The following FRMD4B variants were observed in gnomAD, a reference collection of about 807,000 sequenced individuals.
The protein encoded by FRMD4B is FERM domain containing 4B.
Under a neutral mutation model 141.5 loss-of-function variants are expected in FRMD4B, and 74 were observed. The ratio of observed to expected loss-of-function variants is 0.52; its 90% CI spans 0.43 to 0.63. The LOEUF (loss-of-function observed/expected upper bound fraction) is 0.63, where lower values mean the gene tolerates loss of function less well. FRMD4B is among the 30% of genes least tolerant of loss of function. FRMD4B has a pLI of 0.00. For missense variants in FRMD4B, 1,366 were observed against 1,253.4 expected (o/e 1.09, Z -1.36); for synonymous variants, 506 against 467.9 (o/e 1.08, Z -1.05).
At position 69,169,227 on chromosome 3, in the gene FRMD4B, T is replaced by C. The variant is rs1408171069; in HGVS notation, c.*2634A>G. Among the ~76,000 whole-genome samples, 1 of 152,190 alleles carries C rather than the reference T, an allele frequency of 6.6e-6. No homozygotes were observed. Among genetic ancestry groups the C allele is most frequent in the Non-Finnish European group, 1.5e-5 (1 of 68,040 alleles). On this transcript the variant is annotated 3_prime_UTR_variant, in exon 23 of 23. Transcript: ENST00000398540. ...GAAACGTACATGTTGAATAATGTAC[T>C]TTTGTCACTTTTGGCTTTTAATAAA...
intron 7 of FRMD4B, among the ~76,000 whole-genome samples, chr3:69,240,795 C>G (rs2093376868): frequency 6.6e-6 from 1 of 152,180 alleles, no homozygotes; most frequent in Admixed American, 6.6e-5. Context: ...CAGAAACAAA[C>G]CAAAAGGCCT....
intron 1 of FRMD4B, among the ~76,000 whole-genome samples, chr3:69,491,914 AG>A (rs372867348): frequency 6.6e-6 from 1 of 152,350 alleles, no homozygotes; most frequent in African/African-American, 2.4e-5. Flanking sequence ...ACCATCATTC[AG>A]GAAGTGTTGT....
chr3:69,417,684 G>A (rs376718178), intron 2 of FRMD4B, among the ~76,000 whole-genome samples: 3 of 152,084 alleles, frequency 2.0e-5, no homozygotes, highest in East Asian at 1.9e-4. Flanking sequence ...AGACACTATC[G>A]CCATTATATT....
chr3:69,530,412 C>A (rs1700994231), intron 1 of FRMD4B, among the ~76,000 whole-genome samples: 1 of 152,138 alleles, frequency 6.6e-6, no homozygotes, highest in South Asian at 2.1e-4. Context: ...ACCCTCACCT[C>A]TTCCCTCCTC....
intron 7 of FRMD4B, among the ~76,000 whole-genome samples, chr3:69,228,202 T>C (rs143703152): frequency 1.8e-3 from 281 of 152,280 alleles, no homozygotes; most frequent in African/African-American, 6.4e-3. Flanking sequence ...AAAATGTCAA[T>C]AGTGCTGAGA....
intron 1 of FRMD4B, among the ~76,000 whole-genome samples, chr3:69,361,697 G>A (rs555334236): frequency 1.2e-4 from 18 of 152,188 alleles, no homozygotes; most frequent in African/African-American, 3.9e-4. Context: ...TTTTCTGATC[G>A]CTGAGTAGTA....
intron 1 of FRMD4B, among the ~76,000 whole-genome samples, chr3:69,532,476 T>C (rs1701020620): frequency 6.6e-6 from 1 of 152,166 alleles, no homozygotes; most frequent in Admixed American, 6.5e-5. Context: ...CATAAATGTT[T>C]AAAGGTGGAA....
intron 7 of FRMD4B, among the ~76,000 whole-genome samples, chr3:69,240,395 T>G (rs767004886): frequency 2.7e-5 from 4 of 145,806 alleles, no homozygotes; most frequent in Non-Finnish European, 6.0e-5. Context: ...GCAGGAGAAT[T>G]GCTTGAACCC....
At chr3:69,393,285 C>T (rs1704417145) in intron 2 of FRMD4B, among the ~76,000 whole-genome samples, 1 of 120,778 alleles carries the variant, frequency 8.3e-6, no homozygotes, top group Admixed American at 1.0e-4. Flanking sequence ...TCTCCTTGCT[C>T]AAAGAAAAGA....
chr3:69,332,644 A>G (rs1002872112), intron 1 of FRMD4B, among the ~76,000 whole-genome samples: 3 of 151,624 alleles, frequency 2.0e-5, no homozygotes, highest in African/African-American at 7.3e-5. Flanking sequence ...TGGCGTGATC[A>G]TGACTCACTG....
intron 3 of FRMD4B, among the ~76,000 whole-genome samples, chr3:69,309,220 G>C (rs1419241015): frequency 6.6e-6 from 1 of 151,818 alleles, no homozygotes. Flanking sequence ...GAACTCCTAG[G>C]CTCATGCAAT....
At chr3:69,341,022 T>A (rs1278583247) in intron 1 of FRMD4B, among the ~76,000 whole-genome samples, 5 of 152,256 alleles carry the variant, frequency 3.3e-5, no homozygotes, top group East Asian at 3.8e-4. Flanking sequence ...AGGAGTTGCA[T>A]ATTCATTTTA....
chr3:69,275,638 C>G (rs1050415012), intron 5 of FRMD4B, among the ~76,000 whole-genome samples: 2 of 151,802 alleles, frequency 1.3e-5, no homozygotes, highest in Admixed American at 1.3e-4. Flanking sequence ...TCTACATTGC[C>G]CGGGGTGGTC....
Position 69,234,350 on chromosome 3 carries a change from G to A in FRMD4B, c.582-9660C>T, listed in dbSNP as rs140641968. On this transcript the variant is annotated intron_variant, in intron 7 of 22. Coordinates refer to ENST00000398540, the MANE Select transcript of FRMD4B (RefSeq NM_015123.3). Reference sequence around the variant, plus strand: ...TGAGCTGGATCTTCTATTGAAGGATGACAGATTGCATAAACAAGTAATTAT... The same window carrying A: ...TGAGCTGGATCTTCTATTGAAGGATAACAGATTGCATAAACAAGTAATTAT... Among the ~76,000 whole-genome samples the A allele has an allele frequency of 3.3e-3, 509 of 152,052 alleles. 4 individuals are homozygous for A. The highest frequency in any genetic ancestry group is 0.012 in the African/African-American group (500 of 41,496).
intron 1 of FRMD4B, among the ~76,000 whole-genome samples, chr3:69,330,947 T>C (rs1702349673): frequency 6.6e-6 from 1 of 152,196 alleles, no homozygotes; most frequent in Non-Finnish European, 1.5e-5. Flanking sequence ...TGAGCACATG[T>C]CATTATGCTC....
intron 1 of FRMD4B, among the ~76,000 whole-genome samples, chr3:69,520,508 C>T (rs1226720374): frequency 6.6e-6 from 1 of 151,458 alleles, no homozygotes; most frequent in Non-Finnish European, 1.5e-5. Flanking sequence ...TTCTGGGCTA[C>T]TCCCTGCCTC....
At chr3:69,518,878 T>A (rs761938066) in intron 1 of FRMD4B, among the ~76,000 whole-genome samples, 27 of 152,200 alleles carry the variant, frequency 1.8e-4, no homozygotes, top group Non-Finnish European at 3.4e-4. Context: ...CTGGATGGAC[T>A]CTTTGCAAAG....
chr3:69,174,156 T>C (rs1449239003), intron 22 of FRMD4B, among the ~76,000 whole-genome samples: 1 of 132,412 alleles, frequency 7.6e-6, no homozygotes, highest in Non-Finnish European at 1.6e-5. Context: ...AAAAAAAAAA[T>C]AGCTGCAGTA....
At chr3:69,261,255 C>T (rs913461981) in intron 5 of FRMD4B, among the ~76,000 whole-genome samples, 1 of 152,278 alleles carries the variant, frequency 6.6e-6, no homozygotes, top group South Asian at 2.1e-4. Flanking sequence ...AAAGAAACTC[C>T]GAACATCAGA....
Sources: gnomAD v4.1 joint callset for allele counts (sites outside exome capture counted in the v4.1 genomes callset) on GRCh38, gnomAD v4.1.1 for gene constraint, MANE v1.5 for transcripts, NCBI Gene and HGNC (gene_info 2026-07-23, HGNC 2026-07-21) for gene names.